Variants in PTPN13 observed in about 807,000 individuals in gnomAD.
PTPN13 encodes protein tyrosine phosphatase non-receptor type 13, also known as tyrosine-protein phosphatase non-receptor type 13.
In PTPN13, 191 loss-of-function variants were observed where a neutral mutation model predicts 284.0. The ratio of observed to expected loss-of-function variants is 0.67; its 90% CI spans 0.60 to 0.76. The LOEUF is 0.76. Among genes scored for constraint, PTPN13 ranks in the 30% least tolerant of loss-of-function variants. The probability of loss-of-function intolerance (pLI) is 0.00; values close to 1 mark genes in which losing one functional copy is unlikely to be tolerated. For synonymous variants in PTPN13, 986 were observed against 1,022.3 expected (o/e 0.96, Z 0.68); for missense variants, 2,797 against 2,939.9 (o/e 0.95, Z 1.12).
In PTPN13 at chr4:86,790,841, G is replaced by A. The variant is rs538308524; in HGVS notation, c.6345+4905G>A. On this transcript the variant is annotated intron_variant, in intron 40 of 47. Transcript: ENST00000411767. ...TAAAGATTCAATTGTATAATTTACC[G>A]ACCATTTAAGAATACAATTTGGGGG... is the stretch of plus-strand genomic sequence containing the variant. Among the ~76,000 whole-genome samples the A allele has an allele frequency of 1.8e-4, 28 of 152,204 alleles. No individual in the cohort carries two copies. In the South Asian group the frequency reaches 2.1e-3, roughly 11 times the overall value.
At chr4:86,732,121 CAG>C in intron 10 of PTPN13, among the ~76,000 whole-genome samples, 1 of 152,008 alleles carries the variant, frequency 6.6e-6, no homozygotes, top group African/African-American at 2.4e-5. Flanking sequence ...CCCTGTAAAA[CAG>C]TGTAAAAGTG....
chr4:86,675,287 CA>C (rs977097957), intron 3 of PTPN13, among the ~76,000 whole-genome samples: 25 of 152,218 alleles, frequency 1.6e-4, no homozygotes, highest in African/African-American at 5.5e-4. Context: ...CCTCATGCCT[CA>C]AAATCTTAAG....
chr4:86,678,765 C>T (rs1036175314), intron 3 of PTPN13, among the ~76,000 whole-genome samples: 2 of 152,106 alleles, frequency 1.3e-5, no homozygotes, highest in South Asian at 2.1e-4. Context: ...CTAAATCTTA[C>T]GGTTAATTTC....
At position 86,662,441 on chromosome 4, in the gene PTPN13, C is replaced by T. The variant is rs928997038; in HGVS notation, c.116-9924C>T. Among the ~76,000 whole-genome samples the T allele has an allele frequency of 2.6e-5, 4 of 152,196 alleles. No homozygotes were observed. In the South Asian group the frequency reaches 8.3e-4, roughly 32 times the overall value. On this transcript the variant is annotated intron_variant, in intron 2 of 47. Transcript: ENST00000411767. ...CCGCCTCCCAAGTTCAAGTGATTCT[C>T]CTGCCTCAGCCTCCCAAATACCTGG... is the stretch of plus-strand genomic sequence containing the variant.
At chr4:86,624,995 A>T (rs534350874) in intron 1 of PTPN13, among the ~76,000 whole-genome samples, 2 of 152,272 alleles carry the variant, frequency 1.3e-5, no homozygotes, top group East Asian at 3.9e-4. Flanking sequence ...GGTCATGAGG[A>T]CTACCTCACT....
intron 47 of PTPN13, among the ~76,000 whole-genome samples, chr4:86,813,389 G>T (rs548785275): frequency 8.5e-5 from 13 of 152,326 alleles, no homozygotes; most frequent in African/African-American, 3.1e-4. Flanking sequence ...CATTTTCAAA[G>T]AACTTTGATT....
chr4:86,670,016 G>A (rs905751575), intron 2 of PTPN13, among the ~76,000 whole-genome samples: 4 of 151,788 alleles, frequency 2.6e-5, no homozygotes, highest in Middle Eastern at 6.8e-3. Flanking sequence ...GTGAGCGAAA[G>A]AAGTGTTAGA....
Position 86,814,670 on chromosome 4 carries a change from C to T in PTPN13, c.*119C>T, listed in dbSNP as rs552821832. 1.4e-6 allele frequency: 1 copy of T among 721,714 alleles called. No individual in the cohort carries two copies. Among genetic ancestry groups the T allele is most frequent in the Non-Finnish European group, 2.3e-6 (1 of 427,778 alleles). 44.7% of individuals were successfully genotyped at this position (721,714 alleles called of 1,614,324 possible). ...GTTCATACAACATGCATGTTCTCCT[C>T]TATCTTAGAGGGGTATTCTTCTTGA... On this transcript the variant is annotated 3_prime_UTR_variant, in exon 48 of 48. Coordinates refer to ENST00000411767, the MANE Select transcript of PTPN13 (RefSeq NM_080683.3).
chr4:86,764,469 A>T, intron 24 of PTPN13, 124 bp from the exon 25 acceptor site: 1 of 710,354 alleles, frequency 1.4e-6, no homozygotes, highest in Non-Finnish European at 2.1e-6. Flanking sequence ...TTTCAGTAAT[A>T]ATTCATTTTG....
intron 3 of PTPN13, 91 bp downstream of exon 3, chr4:86,672,634 A>C (rs1727840066): frequency 9.7e-7 from 1 of 1,034,636 alleles, no homozygotes; most frequent in Non-Finnish European, 1.4e-6. Context: ...CCCTCTGAAA[A>C]ATCTATTGAG....
At chr4:86,695,658 G>GCTCTCTCCACCTCCCTCTTTCCTTTC (rs1337201930) in intron 6 of PTPN13, among the ~76,000 whole-genome samples, 13 of 150,764 alleles carry the variant, frequency 8.6e-5, no homozygotes, top group Non-Finnish European at 1.6e-4. Flanking sequence ...CTCTTTCTTT[G>GCTCTCTCCACCTCCCTCTTTCCTTTC]CTCTCTCCAC....
At chr4:86,712,505 C>T (rs1449969677) in intron 7 of PTPN13, among the ~76,000 whole-genome samples, 1 of 151,764 alleles carries the variant, frequency 6.6e-6, no homozygotes, top group Non-Finnish European at 1.5e-5. Flanking sequence ...ATAAATTTTC[C>T]AAGACACACT....
intron 41 of PTPN13, 148 bp downstream of exon 41, chr4:86,797,077 G>A: frequency 1.7e-6 from 1 of 589,612 alleles, no homozygotes; most frequent in Admixed American, 3.6e-5. Flanking sequence ...AAAATTTTCG[G>A]GCCAGGTGCG....
intron 40 of PTPN13, among the ~76,000 whole-genome samples, chr4:86,791,631 C>A (rs1050392482): frequency 1.6e-4 from 24 of 152,156 alleles, no homozygotes; most frequent in African/African-American, 5.6e-4. Context: ...CAGGCGGGTG[C>A]CCCTCTGGGA....
chr4:86,623,058 TC>T (rs1005366298), intron 1 of PTPN13, among the ~76,000 whole-genome samples: 27 of 152,112 alleles, frequency 1.8e-4, no homozygotes, highest in African/African-American at 6.5e-4. Flanking sequence ...TCTGATCACT[TC>T]CCACCTGTCC....
chr4:86,728,368 C>T (rs1734527849), intron 10 of PTPN13, among the ~76,000 whole-genome samples: 1 of 148,932 alleles, frequency 6.7e-6, no homozygotes, highest in African/African-American at 2.5e-5. Context: ...CCTGGATATC[C>T]TTCTTAACCT....
intron 10 of PTPN13, 141 bp downstream of exon 10, chr4:86,722,575 G>A: frequency 9.6e-5 from 57 of 593,944 alleles, no homozygotes; most frequent in South Asian, 2.8e-4. Context: ...ATTTCCACTG[G>A]GATTAAATAT....
chr4:86,618,834 C>T (rs1201168343), intron 1 of PTPN13, among the ~76,000 whole-genome samples: 2 of 152,136 alleles, frequency 1.3e-5, no homozygotes, highest in Non-Finnish European at 2.9e-5. Context: ...TGGGCTGAGA[C>T]AATGGGGTTT....
chr4:86,774,701 T>TTA (rs34474473), intron 33 of PTPN13, among the ~76,000 whole-genome samples, 170 bp downstream of exon 33: 1,341 of 110,520 alleles, frequency 0.012, 22 homozygotes, highest in East Asian at 0.075. Context: ...GGAAATTATT[T>TTA]TATATATATA....
Sources: allele counts gnomAD v4.1 joint callset (sites outside exome capture counted in the v4.1 genomes callset), GRCh38; gene constraint gnomAD v4.1.1; transcripts MANE v1.5; gene names NCBI Gene and HGNC (gene_info 2026-07-23, HGNC 2026-07-21).